MID1: variants seen among roughly 807,000 people sequenced by gnomAD.
The protein encoded by MID1 is E3 ubiquitin-protein ligase Midline-1.
MID1 carries 7 observed loss-of-function variants against 40.4 expected under a neutral mutation model. The ratio of observed to expected loss-of-function variants is 0.17; its 90% confidence interval spans 0.10 to 0.33. The LOEUF is 0.33. Among genes scored for constraint, MID1 ranks in the 10% least tolerant of loss-of-function variants. The probability of loss-of-function intolerance (pLI) is 1.00; values close to 1 mark genes in which losing one functional copy is unlikely to be tolerated. For synonymous variants in MID1, 229 were observed against 221.2 expected, an observed-to-expected ratio of 1.04 and a Z score of -0.31; for missense variants, 367 against 558.5, an observed-to-expected ratio of 0.66 and a Z score of 3.46.
intron 2 of MID1, among the ~76,000 whole-genome samples, chrX:10,549,609 A>T (rs893892065): frequency 8.8e-6 from 1 of 113,531 alleles, no homozygotes; most frequent in Non-Finnish European, 1.9e-5. Flanking sequence ...TTCTGCCTTT[A>T]TGAATTAATC....
chrX:10,642,519 C>T (rs1255052894), intron 1 of MID1, among the ~76,000 whole-genome samples: 1 of 110,059 alleles, frequency 9.1e-6, no homozygotes, highest in Non-Finnish European at 1.9e-5. Flanking sequence ...AAAGAGGACA[C>T]AAACAAATGG....
chrX:10,582,294 G>T (rs761273368), intron 1 of MID1, among the ~76,000 whole-genome samples: 6 of 111,357 alleles, frequency 5.4e-5, no homozygotes, highest in Non-Finnish European at 1.1e-4. Context: ...CTTCTCCCCT[G>T]GCGCGAGATA....
chrX:10,824,259 A>C (rs1024108077), intron 1 of MID1, among the ~76,000 whole-genome samples: 25 of 112,127 alleles, frequency 2.2e-4, no homozygotes, highest in Non-Finnish European at 1.9e-4. Flanking sequence ...TTATCTCTGC[A>C]AGAGCTTTAT....
intron 1 of MID1, among the ~76,000 whole-genome samples, chrX:10,669,241 A>T (rs1230942732): frequency 4.7e-5 from 5 of 106,311 alleles, no homozygotes; most frequent in African/African-American, 1.0e-4. Flanking sequence ...AAAAAAAAAA[A>T]AAAAAAAAAA....
intron 4 of MID1, among the ~76,000 whole-genome samples, chrX:10,495,263 C>T (rs1431659923): frequency 9.0e-6 from 1 of 111,378 alleles, no homozygotes; most frequent in Admixed American, 9.6e-5. Flanking sequence ...ATAAACTCTG[C>T]CTCCACAGAA....
chrX:10,579,436 T>C (rs1221375955), intron 1 of MID1, among the ~76,000 whole-genome samples: 1 of 111,979 alleles, frequency 8.9e-6, no homozygotes, highest in East Asian at 2.8e-4. Context: ...CAATGCAACA[T>C]TTCACAACTG....
intron 1 of MID1, among the ~76,000 whole-genome samples, chrX:10,639,060 C>T (rs1602488788): frequency 8.9e-6 from 1 of 112,154 alleles, no homozygotes; most frequent in South Asian, 3.7e-4. Context: ...GGGGAGAAAC[C>T]AGAGCAGAAA....
At chrX:10,643,039 A>T (rs1364842332) in intron 1 of MID1, among the ~76,000 whole-genome samples, 8 of 112,036 alleles carry the variant, frequency 7.1e-5, no homozygotes, top group African/African-American at 2.6e-4. Context: ...ACTTAAATGT[A>T]AGACCTAAAA....
At chrX:10,831,274 A>G (rs1395903417) in intron 1 of MID1, among the ~76,000 whole-genome samples, 1 of 112,218 alleles carries the variant, frequency 8.9e-6, no homozygotes, top group Non-Finnish European at 1.9e-5. Flanking sequence ...AGTTTGCAGC[A>G]AACCATACTT....
At chrX:10,825,700 G>T (rs140953260) in intron 1 of MID1, among the ~76,000 whole-genome samples, 3,444 of 111,311 alleles carry the variant, frequency 0.031, 147 homozygotes, top group African/African-American at 0.11. Context: ...GAAAGAATTC[G>T]CCAGACAACT....
chrX:10,699,514 T>C (rs1025626893), intron 1 of MID1, among the ~76,000 whole-genome samples: 1 of 111,768 alleles, frequency 8.9e-6, no homozygotes, highest in African/African-American at 3.3e-5. Flanking sequence ...TAAAATTTGT[T>C]TGGAGGCTCA....
chrX:10,516,549 A>G (rs1932424529), intron 3 of MID1, among the ~76,000 whole-genome samples: 1 of 97,500 alleles, frequency 1.0e-5, no homozygotes, highest in Admixed American at 1.2e-4. Flanking sequence ...CTTGGCCTTC[A>G]TACTCTGCTC....
At chrX:10,732,990 A>G (rs1422597456) in intron 1 of MID1, among the ~76,000 whole-genome samples, 1 of 108,630 alleles carries the variant, frequency 9.2e-6, no homozygotes, top group Non-Finnish European at 1.9e-5. Context: ...CAGCCTCCCG[A>G]GTAGCTGGGA....
At chrX:10,656,282 G>T (rs145960456) in intron 1 of MID1, among the ~76,000 whole-genome samples, 51 of 111,592 alleles carry the variant, frequency 4.6e-4, no homozygotes, top group African/African-American at 1.7e-3. Flanking sequence ...ATCCACCTGT[G>T]CTTTGTCCAG....
intron 1 of MID1, among the ~76,000 whole-genome samples, chrX:10,694,872 A>G (rs182443114): frequency 1.8e-5 from 2 of 112,051 alleles, no homozygotes; most frequent in Admixed American, 1.9e-4. Context: ...GCCCTTGGTC[A>G]TTCCTGGGCT....
chrX:10,714,671 T>A (rs781021597), intron 1 of MID1, among the ~76,000 whole-genome samples: 1 of 112,446 alleles, frequency 8.9e-6, no homozygotes, highest in Admixed American at 9.4e-5. Flanking sequence ...TAAAAGTAAG[T>A]CACATGTAGC....
At chrX:10,585,975 G>A (rs922469017) in intron 1 of MID1, among the ~76,000 whole-genome samples, 3 of 110,843 alleles carry the variant, frequency 2.7e-5, no homozygotes, top group East Asian at 5.6e-4. Context: ...TACTTGTATC[G>A]TTTATGAGCC....
At chrX:10,638,391 C>T (rs1194694689) in intron 1 of MID1, among the ~76,000 whole-genome samples, 1 of 112,235 alleles carries the variant, frequency 8.9e-6, no homozygotes, top group East Asian at 2.8e-4. Context: ...CCCACACCCA[C>T]AGAGCCTGGC....
At chrX:10,687,909 G>A (rs1051182113) in intron 1 of MID1, among the ~76,000 whole-genome samples, 3 of 110,589 alleles carry the variant, frequency 2.7e-5, no homozygotes, top group Non-Finnish European at 5.7e-5. Flanking sequence ...TAGAGATGGG[G>A]GTCTCCTTAT....
Sources: allele counts gnomAD v4.1 joint callset (sites outside exome capture counted in the v4.1 genomes callset), GRCh38; gene constraint gnomAD v4.1.1; transcripts MANE v1.5; gene names NCBI Gene and HGNC (gene_info 2026-07-23, HGNC 2026-07-21).